MARCHF1: variants seen among roughly 807,000 people sequenced by gnomAD.
MARCHF1 encodes E3 ubiquitin-protein ligase MARCHF1.
MARCHF1 carries 40 observed loss-of-function variants against 54.2 expected under a neutral mutation model. The observed-to-expected ratio is 0.74, with a 90% CI of 0.57 to 0.96. MARCHF1 has a LOEUF of 0.96. Among genes scored for constraint, MARCHF1 ranks in the 40% least tolerant of loss-of-function variants. The pLI, the probability that MARCHF1 is intolerant of heterozygous loss-of-function variation, is 0.00. For synonymous variants in MARCHF1, 236 were observed against 236.3 expected, an observed-to-expected ratio of 1.00 and a Z score of 0.01; for missense variants, 586 against 656.5, an observed-to-expected ratio of 0.89 and a Z score of 1.17.
chr4:164,157,087 G>A (rs1217443970), intron 1 of MARCHF1, among the ~76,000 whole-genome samples: 1 of 151,852 alleles, frequency 6.6e-6, no homozygotes, highest in Non-Finnish European at 1.5e-5. Context: ...TTGTATCTCT[G>A]ATATATATGC....
chr4:164,377,807 C>T lies in MARCHF1; in HGVS notation c.-323+6063G>A, dbSNP rs931278971. ...CAAACAGTCTCAATATAAAATGGCA[C>T]ATAGTATATTAATGGCTGTTTGATA... On this transcript the variant is annotated intron_variant, in intron 1 of 9. Transcript: ENST00000514618. Among the ~76,000 whole-genome samples, 4 of 152,186 alleles carry T rather than the reference C, an allele frequency of 2.6e-5. No homozygotes were observed. In the South Asian group the frequency reaches 8.3e-4, roughly 31 times the overall value.
chr4:164,083,611 A>G (rs1196081347), intron 2 of MARCHF1, among the ~76,000 whole-genome samples: 25 of 152,148 alleles, frequency 1.6e-4, no homozygotes, highest in Admixed American at 1.6e-3. Flanking sequence ...TACTTAAAAA[A>G]ATGAAATAGA....
chr4:163,532,462 CTG>C (rs1157644867), intron 9 of MARCHF1, among the ~76,000 whole-genome samples: 4 of 151,832 alleles, frequency 2.6e-5, no homozygotes, highest in African/African-American at 7.2e-5. Flanking sequence ...TAAATGTAAA[CTG>C]TGAAACTATA....
intron 2 of MARCHF1, among the ~76,000 whole-genome samples, chr4:164,064,810 G>C (rs1427271355): frequency 1.3e-5 from 2 of 152,082 alleles, no homozygotes; most frequent in African/African-American, 4.8e-5. Context: ...TTATTATTTT[G>C]AGGTATGTTC....
intron 1 of MARCHF1, among the ~76,000 whole-genome samples, chr4:164,220,128 T>C (rs1732049235): frequency 6.6e-6 from 1 of 151,774 alleles, no homozygotes; most frequent in East Asian, 1.9e-4. Flanking sequence ...TATCTGTCTC[T>C]ACCTAATTAA....
intron 2 of MARCHF1, among the ~76,000 whole-genome samples, chr4:164,089,410 C>T (rs567029911): frequency 7.9e-5 from 12 of 152,088 alleles, no homozygotes; most frequent in African/African-American, 1.9e-4. Flanking sequence ...GTTACTAGAT[C>T]GCATGTTCAG....
At chr4:164,106,149 C>T (rs982052403) in intron 2 of MARCHF1, among the ~76,000 whole-genome samples, 1 of 148,804 alleles carries the variant, frequency 6.7e-6, no homozygotes, top group Admixed American at 6.6e-5. Context: ...GAAATAGGAA[C>T]ACTTTTACAC....
chr4:164,347,501 T>A (rs1730142104), intron 1 of MARCHF1, among the ~76,000 whole-genome samples: 1 of 152,252 alleles, frequency 6.6e-6, no homozygotes, highest in Non-Finnish European at 1.5e-5. Flanking sequence ...TTCCTTTGAC[T>A]GTTCTTACCT....
intron 4 of MARCHF1, among the ~76,000 whole-genome samples, chr4:163,733,654 G>A (rs1231006351): frequency 6.6e-6 from 1 of 151,660 alleles, no homozygotes; most frequent in East Asian, 1.9e-4. Context: ...TTCATTTTCT[G>A]TTCAAGAATT....
intron 4 of MARCHF1, among the ~76,000 whole-genome samples, chr4:163,767,899 T>A (rs1401911125): frequency 1.3e-5 from 2 of 152,218 alleles, no homozygotes; most frequent in African/African-American, 4.8e-5. Context: ...TTACCACCAA[T>A]GACTCTAGCT....
intron 4 of MARCHF1, among the ~76,000 whole-genome samples, chr4:163,710,363 C>G (rs1745070725): frequency 6.6e-6 from 1 of 151,814 alleles, no homozygotes; most frequent in Non-Finnish European, 1.5e-5. Context: ...TACTTTTGCA[C>G]CAACATAATA....
intron 1 of MARCHF1, among the ~76,000 whole-genome samples, chr4:164,255,457 G>C (rs931334089): frequency 1.3e-5 from 2 of 149,864 alleles, no homozygotes; most frequent in African/African-American, 4.9e-5. Flanking sequence ...ATATGGTAAG[G>C]ATAGGTCCAA....
chr4:163,860,984 A>T (rs1009447417), intron 3 of MARCHF1, among the ~76,000 whole-genome samples: 1 of 152,224 alleles, frequency 6.6e-6, no homozygotes, highest in African/African-American at 2.4e-5. Flanking sequence ...AAGCACTGGA[A>T]CCAAATCAAA....
At chr4:164,241,737 T>G (rs1344864686) in intron 1 of MARCHF1, among the ~76,000 whole-genome samples, 4 of 151,800 alleles carry the variant, frequency 2.6e-5, no homozygotes, top group Non-Finnish European at 5.9e-5. Context: ...CCCTAGGGAG[T>G]GCCAGACAGT....
chr4:164,047,499 GTAATT>G (rs1350961900), intron 2 of MARCHF1, among the ~76,000 whole-genome samples: 1 of 152,128 alleles, frequency 6.6e-6, no homozygotes, highest in East Asian at 1.9e-4. Flanking sequence ...TAAATTTGTG[GTAATT>G]TAATAGAAAC....
intron 4 of MARCHF1, among the ~76,000 whole-genome samples, chr4:163,788,970 A>G (rs1361155398): frequency 6.6e-6 from 1 of 152,078 alleles, no homozygotes; most frequent in Non-Finnish European, 1.5e-5. Flanking sequence ...AGTTTTTTCC[A>G]ATAATTTTAG....
chr4:164,184,304 A>C (rs985571500), intron 1 of MARCHF1, among the ~76,000 whole-genome samples: 3 of 152,192 alleles, frequency 2.0e-5, no homozygotes, highest in Admixed American at 1.3e-4. Context: ...GATTTGAAAT[A>C]AACTGAGAAA....
intron 2 of MARCHF1, among the ~76,000 whole-genome samples, chr4:163,997,957 C>T (rs80183465): frequency 0.12 from 17,677 of 146,108 alleles, 1,408 homozygotes; most frequent in Non-Finnish European, 0.19. Context: ...CACACACACA[C>T]GTAGATTCTA....
intron 3 of MARCHF1, among the ~76,000 whole-genome samples, chr4:163,886,814 T>C (rs1347345674): frequency 6.6e-6 from 1 of 152,130 alleles, no homozygotes; most frequent in African/African-American, 2.4e-5. Flanking sequence ...CCAGGCTTCA[T>C]GCATGAGGAA....
Sources: allele counts gnomAD v4.1 joint callset (sites outside exome capture counted in the v4.1 genomes callset), GRCh38; gene constraint gnomAD v4.1.1; transcripts MANE v1.5; gene names NCBI Gene and HGNC (gene_info 2026-07-23, HGNC 2026-07-21).